Variants in PARD3 observed in about 807,000 individuals in gnomAD.
PARD3 encodes the protein partitioning defective 3 homolog.
Under a neutral mutation model 155.4 loss-of-function variants are expected in PARD3, and 75 were observed. That is an observed-to-expected ratio of 0.48 (90% CI 0.40 to 0.58). The LOEUF (loss-of-function observed/expected upper bound fraction) is 0.58. Among genes scored for constraint, PARD3 ranks in the 20% least tolerant of loss-of-function variants. PARD3 has a pLI of 0.00. For synonymous variants in PARD3, 576 were observed against 610.5 expected, an observed-to-expected ratio of 0.94 and a Z score of 0.83; for missense variants, 1,642 against 1,721.7, an observed-to-expected ratio of 0.95 and a Z score of 0.82.
intron 2 of PARD3, among the ~76,000 whole-genome samples, chr10:34,649,435 C>A (rs1043272839): frequency 1.3e-5 from 2 of 152,218 alleles, no homozygotes; most frequent in Admixed American, 6.5e-5. Flanking sequence ...ACCTGTACAA[C>A]GTGTTATTGT....
At chr10:34,405,174 C>T (rs1467824303) in intron 5 of PARD3, among the ~76,000 whole-genome samples, 1 of 151,940 alleles carries the variant, frequency 6.6e-6, no homozygotes, top group Non-Finnish European at 1.5e-5. Flanking sequence ...CTCCATATCA[C>T]AAGCATTACA....
At chr10:34,751,234 C>G (rs947693937) in intron 1 of PARD3, among the ~76,000 whole-genome samples, 1 of 152,132 alleles carries the variant, frequency 6.6e-6, no homozygotes, top group Admixed American at 6.5e-5. Context: ...AAAATAGCCT[C>G]GTATTTGGTA....
intron 5 of PARD3, among the ~76,000 whole-genome samples, chr10:34,434,359 CT>C (rs1332532634): frequency 2.0e-5 from 3 of 152,212 alleles, no homozygotes; most frequent in Non-Finnish European, 4.4e-5. Flanking sequence ...GTCTTAAGAG[CT>C]TTCCATGACT....
At chr10:34,142,680 C>A (rs1037601156) in intron 22 of PARD3, among the ~76,000 whole-genome samples, 2 of 151,930 alleles carry the variant, frequency 1.3e-5, no homozygotes, top group Admixed American at 6.6e-5. Context: ...GGAAGGCAGG[C>A]AGGCATCATT....
intron 2 of PARD3, among the ~76,000 whole-genome samples, chr10:34,567,294 C>T (rs1164671417): frequency 2.0e-5 from 3 of 152,090 alleles, no homozygotes; most frequent in Non-Finnish European, 4.4e-5. Context: ...AATGCTAATC[C>T]ACTATACAAT....
chr10:34,615,368 G>C (rs1335636944), intron 2 of PARD3, among the ~76,000 whole-genome samples: 3 of 152,160 alleles, frequency 2.0e-5, no homozygotes, highest in African/African-American at 4.8e-5. Flanking sequence ...CATACATACA[G>C]TCTCTTCAAC....
chr10:34,482,651 T>G (rs1169553420), intron 3 of PARD3, among the ~76,000 whole-genome samples: 3 of 152,134 alleles, frequency 2.0e-5, no homozygotes, highest in Non-Finnish European at 4.4e-5. Context: ...TACCAGAGAC[T>G]TTCACTGAGA....
At chr10:34,284,719 G>A (rs1956305786) in intron 20 of PARD3, among the ~76,000 whole-genome samples, 1 of 152,098 alleles carries the variant, frequency 6.6e-6, no homozygotes, top group African/African-American at 2.4e-5. Context: ...ATTCATCATA[G>A]TTTAAAAACT....
intron 19 of PARD3, among the ~76,000 whole-genome samples, chr10:34,321,551 T>C (rs1021298839): frequency 6.6e-6 from 1 of 152,238 alleles, no homozygotes; most frequent in Non-Finnish European, 1.5e-5. Context: ...CTATCAGCTA[T>C]GTTTCCATGT....
intron 15 of PARD3, 129 bp from the exon 16 acceptor site, chr10:34,341,945 A>C: frequency 1.8e-6 from 1 of 561,690 alleles, no homozygotes; most frequent in Non-Finnish European, 3.1e-6. Flanking sequence ...TGGTAGAACA[A>C]AACAGAATTT....
chr10:34,552,866 A>G (rs533201763), intron 2 of PARD3, among the ~76,000 whole-genome samples: 3 of 152,380 alleles, frequency 2.0e-5, no homozygotes, highest in South Asian at 4.1e-4. Context: ...ATACATTGGT[A>G]CAAAAGTAAT....
chr10:34,430,078 A>G (rs903317760), intron 5 of PARD3, among the ~76,000 whole-genome samples: 1 of 152,238 alleles, frequency 6.6e-6, no homozygotes, highest in African/African-American at 2.4e-5. Context: ...TAATGCTAGT[A>G]CTTCTTAGTA....
intron 3 of PARD3, among the ~76,000 whole-genome samples, chr10:34,507,413 T>A (rs544984497): frequency 3.8e-4 from 57 of 151,520 alleles, no homozygotes; most frequent in Non-Finnish European, 3.4e-4. Flanking sequence ...GTACTCCAAT[T>A]TATAAATAAA....
At chr10:34,228,239 T>G (rs566540201) in intron 22 of PARD3, among the ~76,000 whole-genome samples, 1 of 151,700 alleles carries the variant, frequency 6.6e-6, no homozygotes, top group East Asian at 1.9e-4. Flanking sequence ...GAGGGAACAA[T>G]AGACACCGGG....
At chr10:34,353,603 A>G (rs1838436894) in intron 14 of PARD3, among the ~76,000 whole-genome samples, 1 of 152,162 alleles carries the variant, frequency 6.6e-6, no homozygotes, top group Non-Finnish European at 1.5e-5. Flanking sequence ...TCCTCTGCCT[A>G]GGAAAACCAG....
At chr10:34,723,736 C>A (rs1025021214) in intron 1 of PARD3, among the ~76,000 whole-genome samples, 1 of 152,306 alleles carries the variant, frequency 6.6e-6, no homozygotes, top group South Asian at 2.1e-4. Flanking sequence ...CATTCTAGTA[C>A]ACTGTGTTTT....
intron 2 of PARD3, among the ~76,000 whole-genome samples, chr10:34,662,871 G>GAAAAAAA (rs568672135): frequency 8.1e-6 from 1 of 123,632 alleles, no homozygotes; most frequent in African/African-American, 3.0e-5. Context: ...AACTGTCTCA[G>GAAAAAAA]AAAAAAAAAA....
chr10:34,478,818 C>T (rs1158847727), intron 3 of PARD3, among the ~76,000 whole-genome samples: 2 of 152,168 alleles, frequency 1.3e-5, no homozygotes, highest in Non-Finnish European at 2.9e-5. Flanking sequence ...GCTGGGATTA[C>T]AGGCGTGAAT....
intron 22 of PARD3, among the ~76,000 whole-genome samples, chr10:34,169,766 T>G (rs921442049): frequency 6.6e-6 from 1 of 152,198 alleles, no homozygotes; most frequent in African/African-American, 2.4e-5. Context: ...AAACCACAGT[T>G]AAGGCATTAT....
Sources: gnomAD v4.1 joint callset for allele counts (sites outside exome capture counted in the v4.1 genomes callset) on GRCh38, gnomAD v4.1.1 for gene constraint, MANE v1.5 for transcripts, NCBI Gene and HGNC (gene_info 2026-07-23, HGNC 2026-07-21) for gene names.